Variants in TIAM1 observed in about 807,000 individuals in gnomAD.
TIAM1 encodes the protein rho guanine nucleotide exchange factor TIAM1.
Under a neutral mutation model 163.5 loss-of-function variants are expected in TIAM1, and 65 were observed. That is an observed-to-expected ratio of 0.40 (90% CI 0.33 to 0.49). TIAM1 has a LOEUF of 0.49. Ranked by LOEUF, TIAM1 falls within the 20% of genes least tolerant of loss-of-function variation. The pLI is 0.77. For missense variants in TIAM1, 1,789 were observed against 2,044.7 expected, an observed-to-expected ratio of 0.87 and a Z score of 2.41; for synonymous variants, 833 against 810.1, an observed-to-expected ratio of 1.03 and a Z score of -0.48.
intron 6 of TIAM1, 138 bp from the exon 7 acceptor site, chr21:31,226,088 C>T (rs1004887809): frequency 1.5e-6 from 1 of 677,902 alleles, no homozygotes; most frequent in South Asian, 1.9e-5. Flanking sequence ...AATAACCTGA[C>T]CTCCTCTTTC....
chr21:31,164,129 G>A (rs978682610), intron 16 of TIAM1, among the ~76,000 whole-genome samples: 3 of 152,176 alleles, frequency 2.0e-5, no homozygotes, highest in Admixed American at 6.5e-5. Context: ...AGTGGCTCAC[G>A]CCTGTAATCC....
rs530229146 is a variant in TIAM1, at chr21:31,438,734, A to C, written c.-369+25249T>G. Among the ~76,000 whole-genome samples, 5 of 152,280 alleles carry C rather than the reference A, an allele frequency of 3.3e-5. No homozygotes were observed. The East Asian group carries it at 9.7e-4, about 29-fold the overall frequency. On this transcript the variant is annotated intron_variant, in intron 2 of 28. Transcript: ENST00000286827. ...GGTCAAAAGTCTCTGTCTCAGTGCT[A>C]TTGGCATTTTGGGCTGAATAATTCA...
chr21:31,446,061 CT>C (rs2044611221), intron 2 of TIAM1, among the ~76,000 whole-genome samples: 1 of 152,128 alleles, frequency 6.6e-6, no homozygotes, highest in African/African-American at 2.4e-5. Flanking sequence ...CTGCCTCAGC[CT>C]CCCAAGTAGC....
In TIAM1 at chr21:31,263,240, A is replaced by G. The variant is rs183616666; in HGVS notation, c.963+2770T>C. ...CATGGTATCCTATTTGGTTCTCCCAATGGCCCTGTGGGAGGCTGGTGTCAC... is the reference window on the plus strand; with the variant it reads ...CATGGTATCCTATTTGGTTCTCCCAGTGGCCCTGTGGGAGGCTGGTGTCAC... On this transcript the variant is annotated intron_variant, in intron 4 of 27. Coordinates refer to ENST00000541036, the MANE Select transcript of TIAM1 (RefSeq NM_001353694.2). Among the ~76,000 whole-genome samples, 6 of 152,292 alleles carry G rather than the reference A, an allele frequency of 3.9e-5. No individual in the cohort carries two copies. The East Asian group carries it at 5.8e-4, about 15-fold the overall frequency.
intron 15 of TIAM1, among the ~76,000 whole-genome samples, chr21:31,173,366 A>G (rs1056274507): frequency 2.6e-5 from 4 of 152,224 alleles, no homozygotes; most frequent in African/African-American, 9.6e-5. Flanking sequence ...AAAGATATTT[A>G]GCTGGAACTC....
chr21:31,351,302 G>C (rs984673627), intron 2 of TIAM1, among the ~76,000 whole-genome samples: 1 of 152,160 alleles, frequency 6.6e-6, no homozygotes, highest in Non-Finnish European at 1.5e-5. Flanking sequence ...GACAGCTTCA[G>C]CCCAGTACCC....
At chr21:31,250,043 G>A (rs2071705961) in intron 5 of TIAM1, among the ~76,000 whole-genome samples, 1 of 151,760 alleles carries the variant, frequency 6.6e-6, no homozygotes. Context: ...CTACTTGGGA[G>A]GCTGAAGCAG....
chr21:31,475,196 G>A (rs1244122800), intron 1 of TIAM1, among the ~76,000 whole-genome samples: 1 of 151,856 alleles, frequency 6.6e-6, no homozygotes, highest in African/African-American at 2.4e-5. Flanking sequence ...GGGACTACAG[G>A]TGCACATTAT....
rs1304174356 is a variant in TIAM1 at position 31,395,690 on chromosome 21, A to C, written c.-368-56268T>G. Among the ~76,000 whole-genome samples the C allele has an allele frequency of 6.6e-6, 1 of 152,146 alleles. No individual in the cohort carries two copies. Among genetic ancestry groups the C allele is most frequent in the Admixed American group, 6.5e-5 (1 of 15,282 alleles). On this transcript the variant is annotated intron_variant, in intron 2 of 28. Coordinates refer to the TIAM1 transcript ENST00000286827. The surrounding 1 kb of genome is among the most constrained non-coding windows in gnomAD (Gnocchi z 7.5). ...AGAATAAATATTGACTAAAACATCTATCTTGGGGAGGGGGCGCATGCGTTC... is the reference window on the plus strand; with the variant it reads ...AGAATAAATATTGACTAAAACATCTCTCTTGGGGAGGGGGCGCATGCGTTC...
chr21:31,135,416 G>C (rs2082581567), intron 23 of TIAM1, among the ~76,000 whole-genome samples: 1 of 152,106 alleles, frequency 6.6e-6, no homozygotes, highest in Admixed American at 6.6e-5. Flanking sequence ...CAATGCGATT[G>C]GGATGCACCT....
chr21:31,164,218 G>A (rs188149609), intron 16 of TIAM1, among the ~76,000 whole-genome samples: 14 of 152,086 alleles, frequency 9.2e-5, no homozygotes, highest in African/African-American at 3.4e-4. Flanking sequence ...GTGAAACCCT[G>A]TCTCTACTAA....
At chr21:31,407,629 A>ATTTTTTT (rs562921160) in intron 2 of TIAM1, among the ~76,000 whole-genome samples, 52 of 94,084 alleles carry the variant, frequency 5.5e-4, no homozygotes, top group African/African-American at 7.0e-4. Flanking sequence ...TTTGCTCTTA[A>ATTTTTTT]TTTTTTTTTT....
intron 1 of TIAM1, among the ~76,000 whole-genome samples, chr21:31,540,990 A>G (rs1409835910): frequency 1.3e-5 from 2 of 152,226 alleles, no homozygotes; most frequent in Non-Finnish European, 2.9e-5. Context: ...ATATGGATAT[A>G]TACATCAACT....
At chr21:31,161,572 G>A (rs2083924531) in intron 16 of TIAM1, among the ~76,000 whole-genome samples, 1 of 152,140 alleles carries the variant, frequency 6.6e-6, no homozygotes, top group South Asian at 2.1e-4. Flanking sequence ...CAGTACAAGT[G>A]CAAAACATAC....
At chr21:31,506,261 T>TACACACACACACAC (rs112908703) in intron 1 of TIAM1, among the ~76,000 whole-genome samples, 4,873 of 148,568 alleles carry the variant, frequency 0.033, 458 homozygotes, top group East Asian at 0.33. Context: ...CTCACACACG[T>TACACACACACACAC]ACACACACAC....
At chr21:31,198,673 C>T (rs2086012856) in intron 12 of TIAM1, among the ~76,000 whole-genome samples, 1 of 152,232 alleles carries the variant, frequency 6.6e-6, no homozygotes, top group Non-Finnish European at 1.5e-5. Flanking sequence ...CCAAACCCTT[C>T]CTCCAGGTGG....
At chr21:31,449,493 C>A (rs1469001623) in intron 2 of TIAM1, among the ~76,000 whole-genome samples, 1 of 152,060 alleles carries the variant, frequency 6.6e-6, no homozygotes, top group Non-Finnish European at 1.5e-5. Context: ...ATTCTCCTGC[C>A]TCGGCCTCCT....
chr21:31,403,157 TA>T (rs1342415346), intron 2 of TIAM1, among the ~76,000 whole-genome samples: 1 of 152,108 alleles, frequency 6.6e-6, no homozygotes. Context: ...TATACTTTTT[TA>T]TTTTTTTAAG....
chr21:31,303,802 AC>A (rs969925110), intron 2 of TIAM1, among the ~76,000 whole-genome samples: 1 of 152,054 alleles, frequency 6.6e-6, no homozygotes, highest in African/African-American at 2.4e-5. Flanking sequence ...ACATAGTGAA[AC>A]CTTGTCTCTA....
Sources: allele counts gnomAD v4.1 joint callset (sites outside exome capture counted in the v4.1 genomes callset), GRCh38; gene constraint gnomAD v4.1.1; non-coding constraint Gnocchi (gnomAD v3.1); transcripts MANE v1.5; gene names NCBI Gene and HGNC (gene_info 2026-07-23, HGNC 2026-07-21).